The following PLXND1 variants were observed in gnomAD, a reference collection of about 807,000 sequenced individuals.
PLXND1 encodes plexin-D1.
In PLXND1, 54 loss-of-function variants were observed where a neutral mutation model predicts 197.7. The ratio of observed to expected loss-of-function variants is 0.27; its 90% CI spans 0.22 to 0.34. The LOEUF (loss-of-function observed/expected upper bound fraction) is 0.34, where lower values mean the gene tolerates loss of function less well. PLXND1 is among the 10% of genes least tolerant of loss of function. The pLI, the probability that PLXND1 is intolerant of heterozygous loss-of-function variation, is 1.00. For synonymous variants in PLXND1, 1,180 were observed against 1,161.2 expected (o/e 1.02, Z -0.33); for missense variants, 2,127 against 2,699.2 (o/e 0.79, Z 4.70).
At position 129,605,513 on chromosome 3, in the gene PLXND1, T is replaced by G; in HGVS notation, c.1127A>C (p.Gln376Pro). ...AGCAGCGCGGGCCGCGGGGGACCCC[T>G]GGGGCCGCTCGAAGACAGCAAAGAG... ...ERLFAVFERP[Q>P]GSPAARAAPA... The change falls in exon 1 of 36, where the codon CAG becomes CCG. Residue 376 changes from glutamine to proline, a missense_variant. Gln to Pro is a moderately conservative substitution (Grantham distance 76, BLOSUM62 -1). Around this residue, in one of 6 missense-constraint regions of PLXND1, gnomAD observed 1,095 missense variants for 1,259.8 expected, o/e 0.87. Coordinates refer to ENST00000324093, the MANE Select transcript of PLXND1 (RefSeq NM_015103.3). 1 of 1,505,264 alleles carries G rather than the reference T, an allele frequency of 6.6e-7. No individual in the cohort carries two copies. Among genetic ancestry groups the G allele is most frequent in the Non-Finnish European group, 8.8e-7 (1 of 1,133,702 alleles). The allele number at this position is 1,505,264 out of a possible 1,614,324, so 93.2% of individuals were successfully genotyped here.
At chr3:129,600,522 GA>G (rs1387486140) in intron 1 of PLXND1, among the ~76,000 whole-genome samples, 2 of 152,134 alleles carry the variant, frequency 1.3e-5, no homozygotes, top group African/African-American at 4.8e-5. Flanking sequence ...ATGAGGCCCA[GA>G]GAGGGTAAAT....
At chr3:129,575,430 G>A (rs370570798) in intron 11 of PLXND1, 39 bp downstream of exon 11, 10 of 1,283,698 alleles carry the variant, frequency 7.8e-6, no homozygotes, top group Middle Eastern at 2.0e-4. Context: ...CCACTGCACT[G>A]AGGCCCCGAG....
intron 8 of PLXND1, among the ~76,000 whole-genome samples, chr3:129,579,344 C>A (rs2085356828): frequency 6.6e-6 from 1 of 152,114 alleles, no homozygotes; most frequent in Non-Finnish European, 1.5e-5. Context: ...GAGGTCTAGC[C>A]CCGCTGCAGG....
At chr3:129,605,272 CCCGCCCCCGCCCCCGCCG>C (rs1347564507) in intron 1 of PLXND1, 39 bp downstream of exon 1, 2 of 591,508 alleles carry the variant, frequency 3.4e-6, no homozygotes, top group Non-Finnish European at 4.8e-6. Context: ...CCCGCCCGCC[CCCGCCCCCGCCCCCGCCG>C]CCGCCGCCGC....
intron 2 of PLXND1, 44 bp downstream of exon 2, chr3:129,589,307 G>GCCGGGCACCCCCCCCCCCCC: frequency 2.9e-6 from 2 of 684,692 alleles, no homozygotes; most frequent in East Asian, 3.6e-5. Context: ...TCCCAGGGGA[G>GCCGGGCACCCCCCCCCCCCC]CCTCCCACCC....
At chr3:129,572,225 C>T (rs1046892191) in intron 15 of PLXND1, among the ~76,000 whole-genome samples, 19 of 152,146 alleles carry the variant, frequency 1.2e-4, no homozygotes, top group African/African-American at 4.3e-4. Flanking sequence ...CAGCAATGCC[C>T]ATTAGTGGGG....
Position 129,567,824 on chromosome 3 carries a change from CAGGT to C in PLXND1, c.3866-23_3866-20del. The C allele has an allele frequency of 6.7e-7, 1 of 1,487,090 alleles. No individual in the cohort carries two copies. The highest frequency in any genetic ancestry group is 9.3e-7 in the Non-Finnish European group (1 of 1,069,524). The allele number at this position is 1,487,090 out of a possible 1,614,324, so 92.1% of individuals were successfully genotyped here. A position where few individuals can be genotyped will look rare whatever the true frequency, so the allele number is the denominator to read the frequency against. ...AACAGGGCTGCGGGCAGTGGAGAGG[CAGGT>C]CAGGCCTCTGGTGCCCTTTGGAAAG... is the stretch of plus-strand genomic sequence containing the variant. On this transcript the variant is annotated intron_variant, in intron 20 of 35. Coordinates refer to ENST00000324093, the MANE Select transcript of PLXND1 (RefSeq NM_015103.3).
intron 15 of PLXND1, among the ~76,000 whole-genome samples, 154 bp downstream of exon 15, chr3:129,572,455 T>A (rs1024691550): frequency 1.3e-5 from 2 of 152,230 alleles, no homozygotes; most frequent in African/African-American, 2.4e-5. Context: ...CTGAGGAAAC[T>A]GAGGCTCAGA....
Position 129,567,633 on chromosome 3 carries a change from GC to G in PLXND1, c.3974-30del, listed in dbSNP as rs2085161024. ...GCGGACACACGGACAGCCGTGAGCG[GC>G]CCGAGAACCCATCCCCTAGGAGGGA... On this transcript the variant is annotated intron_variant, in intron 21 of 35. Transcript: ENST00000324093. 6.3e-6 allele frequency: 10 copies of G among 1,586,872 alleles called. No individual in the cohort carries two copies. The East Asian group carries it at 2.0e-4, about 32-fold the overall frequency.
intron 20 of PLXND1, chr3:129,569,508 T>C (rs1578319125): frequency 3.7e-6 from 1 of 267,124 alleles, no homozygotes; most frequent in East Asian, 7.4e-5. Flanking sequence ...CCACCAGACA[T>C]GTAGGTTAAT....
In PLXND1 at chr3:129,555,640, C is replaced by T. The variant is rs114030133; in HGVS notation, c.*672G>A. 2,706 of 555,916 alleles carry T rather than the reference C, an allele frequency of 4.9e-3. 13 individuals carry two copies. The highest frequency in any genetic ancestry group is 6.8e-3 in the Non-Finnish European group (2,177 of 317,914). The allele number at this position is 555,916 out of a possible 1,614,324, so 34.4% of individuals were successfully genotyped here. On this transcript the variant is annotated 3_prime_UTR_variant, in exon 36 of 36. Transcript: ENST00000324093. Reference sequence around the variant, plus strand: ...GTGCATCTTAACCCCTCTCCTTTTCCTGGAGACGGGGCTCCCAGCTCCTGT... The same window carrying T: ...GTGCATCTTAACCCCTCTCCTTTTCTTGGAGACGGGGCTCCCAGCTCCTGT...
chr3:129,559,965 C>T (rs1002078390), intron 31 of PLXND1, among the ~76,000 whole-genome samples, 182 bp from the exon 32 acceptor site: 7 of 152,172 alleles, frequency 4.6e-5, no homozygotes, highest in Admixed American at 1.3e-4. Context: ...AAGGACTAAT[C>T]GAGGCACTGG....
Position 129,567,757 on chromosome 3 carries a change from T to C in PLXND1, c.3914A>G (p.Gln1305Arg). 6.2e-7 allele frequency: 1 copy of C among 1,613,724 alleles called. No individual in the cohort carries two copies. Among genetic ancestry groups the C allele is most frequent in the South Asian group, 1.1e-5 (1 of 91,078 alleles). Reference sequence around the variant, plus strand: ...CTCCTCCATCTGCAGCAGCGTCTTCTGCCAGTAACGCTCAGCACGTCGGCT... The same window carrying C: ...CTCCTCCATCTGCAGCAGCGTCTTCCGCCAGTAACGCTCAGCACGTCGGCT... ...TKSRRAERYWQKTLLQMEEME... is the reference protein window; with the variant it reads ...TKSRRAERYWRKTLLQMEEME... The change falls in exon 21 of 36, where the codon CAG becomes CGG. Residue 1305 changes from glutamine to arginine, a missense_variant. Transcript: ENST00000324093.
Position 129,571,995 on chromosome 3 carries a change from C to T in PLXND1, c.3078-151G>A. On this transcript the variant is annotated intron_variant, in intron 15 of 35. Transcript: ENST00000324093. ...CAACTCATCTTCTGCCCAGTTAGTG[C>T]CCAGCTGTTTCCTTACACTTCCAAA... is the stretch of plus-strand genomic sequence containing the variant. 19 of 702,970 alleles carry T rather than the reference C, an allele frequency of 2.7e-5. No homozygotes were observed. In the South Asian group the frequency reaches 3.5e-4, roughly 13 times the overall value. The allele number at this position is 702,970 out of a possible 1,614,324, so 43.5% of individuals were successfully genotyped here.
Position 129,556,251 on chromosome 3 carries a change from A to G in PLXND1, c.*61T>C, listed in dbSNP as rs567593770. 1.8e-6 allele frequency: 2 copies of G among 1,105,724 alleles called. No homozygotes were observed. The highest frequency in any genetic ancestry group is 1.5e-5 in the African/African-American group (1 of 65,278). The allele number at this position is 1,105,724 out of a possible 1,614,324, so 68.5% of individuals were successfully genotyped here. A position where few individuals can be genotyped will look rare whatever the true frequency, so the allele number is the denominator to read the frequency against. On this transcript the variant is annotated 3_prime_UTR_variant, in exon 36 of 36. Coordinates refer to ENST00000324093, the MANE Select transcript of PLXND1 (RefSeq NM_015103.3). ...GTCACAGGCACGGGGTAGAAGATCA[A>G]GTTGAGGCCCAGTGGGCGTCCATTT...
intron 2 of PLXND1, 44 bp downstream of exon 2, chr3:129,589,307 G>GCCGGGGGCCCCCCCCCCCCCCCCCCCCC: frequency 1.5e-6 from 1 of 684,690 alleles, no homozygotes; most frequent in Admixed American, 2.3e-5. Flanking sequence ...TCCCAGGGGA[G>GCCGGGGGCCCCCCCCCCCCCCCCCCCCC]CCTCCCACCC....
Position 129,555,813 on chromosome 3 carries a change from G to A in PLXND1, c.*499C>T, listed in dbSNP as rs879843936. ...ACTGTCTGTGGCCAGGATCCTCTAC[G>A]GGTGAGGGGGAAGTGGAGATAACAT... On this transcript the variant is annotated 3_prime_UTR_variant, in exon 36 of 36. Coordinates refer to ENST00000324093, the MANE Select transcript of PLXND1 (RefSeq NM_015103.3). 12 of 392,366 alleles carry A rather than the reference G, an allele frequency of 3.1e-5. No individual in the cohort carries two copies. Among genetic ancestry groups the A allele is most frequent in the South Asian group, 4.4e-5 (1 of 22,936 alleles). The allele number at this position is 392,366 out of a possible 1,614,324, so 24.3% of individuals were successfully genotyped here.
intron 35 of PLXND1, 39 bp from the exon 36 acceptor site, chr3:129,556,467 A>G: frequency 6.5e-7 from 1 of 1,532,026 alleles, no homozygotes; most frequent in Non-Finnish European, 9.0e-7. Context: ...CATGGCCGGT[A>G]GCCCTGCCTC....
At chr3:129,571,869 C>T in intron 15 of PLXND1, 25 bp from the exon 16 acceptor site, 2 of 1,575,632 alleles carry the variant, frequency 1.3e-6, no homozygotes, top group Non-Finnish European at 1.7e-6. Flanking sequence ...AGGTTATCAG[C>T]AGGGCCTGCC....
Sources: gnomAD v4.1 joint callset for allele counts (sites outside exome capture counted in the v4.1 genomes callset) on GRCh38, gnomAD v4.1.1 for gene constraint, gnomAD v4.1.1 regional missense constraint, MANE v1.5 for transcripts, NCBI Gene and HGNC (gene_info 2026-07-23, HGNC 2026-07-21) for gene names.